Variants in CAPN1 observed in about 807,000 individuals in gnomAD.
CAPN1 encodes the protein calpain 1.
CAPN1 carries 77 observed loss-of-function variants against 105.2 expected under a neutral mutation model. The observed-to-expected ratio is 0.73, with a 90% CI of 0.61 to 0.88. The LOEUF is 0.88. Among genes scored for constraint, CAPN1 ranks in the 40% least tolerant of loss-of-function variants. CAPN1 has a pLI of 0.00. For synonymous variants in CAPN1, 355 were observed against 388.8 expected (o/e 0.91, Z 1.02); for missense variants, 833 against 976.6 (o/e 0.85, Z 1.96).
chr11:65,194,435 G>A (rs1810763495), intron 10 of CAPN1, among the ~76,000 whole-genome samples: 1 of 152,154 alleles, frequency 6.6e-6, no homozygotes, highest in African/African-American at 2.4e-5. Context: ...TCGTGAATGA[G>A]TATAATTCAC....
chr11:65,205,821 A>G, intron 12 of CAPN1, 100 bp downstream of exon 12: 1 of 1,101,800 alleles, frequency 9.1e-7, no homozygotes. Context: ...AGAGCTAAGA[A>G]GTCACCTTGT....
intron 7 of CAPN1, 191 bp from the exon 8 acceptor site, chr11:65,187,764 G>A (rs1948656763): frequency 1.9e-6 from 1 of 523,606 alleles, no homozygotes; most frequent in East Asian, 3.7e-5. Flanking sequence ...GCAGGTGCCT[G>A]TAATTCCAGC....
At position 65,203,739 on chromosome 11, in the gene CAPN1, C is replaced by G. The variant is rs1483416020; in HGVS notation, c.1166-944C>G. The G allele has an allele frequency of 3.9e-5, 6 of 152,288 alleles. No individual in the cohort carries two copies. The East Asian group carries it at 1.2e-3, about 29-fold the overall frequency. 9.4% of individuals were successfully genotyped at this position (152,288 alleles called of 1,614,324 possible). A position where few individuals can be genotyped will look rare whatever the true frequency, so the allele number is the denominator to read the frequency against. ...AGAGCTTGGAGTGGAATTTCTGGGT[C>G]ATATGAAGCTCTGTGTTTAACCTTT... On this transcript the variant is annotated intron_variant, in intron 10 of 21. Coordinates refer to ENST00000279247, the MANE Select transcript of CAPN1 (RefSeq NM_005186.4).
intron 10 of CAPN1, 87 bp from the exon 11 acceptor site, chr11:65,204,596 G>A: frequency 3.4e-6 from 4 of 1,176,098 alleles, no homozygotes; most frequent in South Asian, 1.3e-5. Context: ...GAATGAATGC[G>A]TGCACAGGGA....
In CAPN1 at chr11:65,188,072, T is replaced by G; in HGVS notation, c.929+32T>G. 7.0e-7 allele frequency: 1 copy of G among 1,422,888 alleles called. No homozygotes were observed. Among genetic ancestry groups the G allele is most frequent in the Non-Finnish European group, 9.6e-7 (1 of 1,041,060 alleles). 88.1% of individuals were successfully genotyped at this position (1,422,888 alleles called of 1,614,324 possible). A position where few individuals can be genotyped will look rare whatever the true frequency, so the allele number is the denominator to read the frequency against. ...GGCAGTGGGCACTGTCTGGAGTGCCTTGGGGAAACTGTTAGGTGCCCCGAC... is the reference window on the plus strand; with the variant it reads ...GGCAGTGGGCACTGTCTGGAGTGCCGTGGGGAAACTGTTAGGTGCCCCGAC... On this transcript the variant is annotated intron_variant, in intron 8 of 21. Coordinates refer to ENST00000279247, the MANE Select transcript of CAPN1 (RefSeq NM_005186.4). The surrounding 1 kb of genome is among the most constrained non-coding windows in gnomAD (Gnocchi z 5.5).
In CAPN1 at chr11:65,210,373, C is replaced by T; in HGVS notation, c.1980C>T (p.Ile660=). 1.9e-6 allele frequency: 3 copies of T among 1,613,346 alleles called. No individual in the cohort carries two copies. The highest frequency in any genetic ancestry group is 2.5e-6 in the Non-Finnish European group (3 of 1,179,658). Reference sequence around the variant, plus strand: ...ACAAGAAGCTGTACGAGCTCATCATCACCCGCTACTCGGAGCCCGACCTGG... The same window carrying T: ...ACAAGAAGCTGTACGAGCTCATCATTACCCGCTACTCGGAGCCCGACCTGG... ...KLNKKLYELI[I]TRYSEPDLAV... is the part of the protein sequence containing the mutation. Residue 660 remains isoleucine (I), a synonymous_variant, in exon 20 of 22, where the codon ATC becomes ATT. Coordinates refer to ENST00000279247, the MANE Select transcript of CAPN1 (RefSeq NM_005186.4). The surrounding 1 kb of genome is among the most constrained non-coding windows in gnomAD (Gnocchi z 4.3).
chr11:65,185,427 A>T (rs1948617875), intron 4 of CAPN1, among the ~76,000 whole-genome samples: 1 of 151,926 alleles, frequency 6.6e-6, no homozygotes, highest in South Asian at 2.1e-4. Context: ...TCAGACCTTT[A>T]AAGGGTGTCA....
At chr11:65,199,947 G>A (rs1222089497) in intron 10 of CAPN1, among the ~76,000 whole-genome samples, 1 of 152,166 alleles carries the variant, frequency 6.6e-6, no homozygotes, top group East Asian at 1.9e-4. Flanking sequence ...TGAGATCTCT[G>A]CCCCGTGAGA....
chr11:65,206,020 C>A, intron 12 of CAPN1: 2 of 532,700 alleles, frequency 3.8e-6, no homozygotes, highest in Non-Finnish European at 6.8e-6. Flanking sequence ...CCAACTAGGG[C>A]GGTCCAGCAA....
chr11:65,202,511 C>T (rs1434120244), intron 10 of CAPN1, among the ~76,000 whole-genome samples: 2 of 151,962 alleles, frequency 1.3e-5, no homozygotes, highest in Non-Finnish European at 2.9e-5. Context: ...GGCCAGATCT[C>T]GGCTCACTGC....
intron 4 of CAPN1, among the ~76,000 whole-genome samples, chr11:65,184,251 G>A (rs1948598193): frequency 6.6e-6 from 1 of 152,038 alleles, no homozygotes; most frequent in Non-Finnish European, 1.5e-5. Context: ...CTCTGTCCTT[G>A]CCCGCCTTGC....
Position 65,210,295 on chromosome 11 carries a change from G to T in CAPN1, c.1943-41G>T. ...ACCCCTCCCCCATCCTGTTGGGCAG[G>T]GGCTGCGCCTCACTGACCTTCACTC... On this transcript the variant is annotated intron_variant, in intron 19 of 21. Transcript: ENST00000279247. This position sits in a 1 kb window ranked among gnomAD's most constrained non-coding sequence, Gnocchi z 4.3. 6.9e-7 allele frequency: 1 copy of T among 1,442,566 alleles called. No individual in the cohort carries two copies. Among genetic ancestry groups the T allele is most frequent in the Non-Finnish European group, 9.7e-7 (1 of 1,032,818 alleles). 89.4% of individuals were successfully genotyped at this position (1,442,566 alleles called of 1,614,324 possible).
In CAPN1 at chr11:65,210,996, G is replaced by A. The variant is rs1337207356; in HGVS notation, c.2118+124G>A. On this transcript the variant is annotated intron_variant, in intron 21 of 21. Transcript: ENST00000279247. The surrounding 1 kb of genome is among the most constrained non-coding windows in gnomAD (Gnocchi z 4.3). Reference sequence around the variant, plus strand: ...GGCCTCAGAGCCAACCCTGAAGCCCGGGCCACCTGAATCCTGAAAGGCTGG... The same window carrying A: ...GGCCTCAGAGCCAACCCTGAAGCCCAGGCCACCTGAATCCTGAAAGGCTGG... 7.7e-6 allele frequency: 7 copies of A among 906,238 alleles called. No individual in the cohort carries two copies. Among genetic ancestry groups the A allele is most frequent in the African/African-American group, 3.3e-5 (2 of 60,780 alleles). The allele number at this position is 906,238 out of a possible 1,614,324, so 56.1% of individuals were successfully genotyped here. A position where few individuals can be genotyped will look rare whatever the true frequency, so the allele number is the denominator to read the frequency against.
intron 4 of CAPN1, among the ~76,000 whole-genome samples, chr11:65,184,852 C>T (rs1004697047): frequency 6.6e-6 from 1 of 152,164 alleles, no homozygotes; most frequent in African/African-American, 2.4e-5. Context: ...TTTGCCTGTG[C>T]TCTTGTTTAA....
Position 65,210,789 on chromosome 11 carries a change from G to A in CAPN1, c.2060-25G>A, listed in dbSNP as rs371976398. ...AATATCCCACTGAGTTTTCAGCCCT[G>A]TATCACCTTTTCTTGAACACACAGG... On this transcript the variant is annotated intron_variant, in intron 20 of 21. Coordinates refer to ENST00000279247, the MANE Select transcript of CAPN1 (RefSeq NM_005186.4). This position sits in a 1 kb window ranked among gnomAD's most constrained non-coding sequence, Gnocchi z 4.3. 3 of 1,605,020 alleles carry A rather than the reference G, an allele frequency of 1.9e-6. No homozygotes were observed. The highest frequency in any genetic ancestry group is 1.1e-5 in the South Asian group (1 of 90,864).
chr11:65,204,942 C>T, intron 11 of CAPN1, 84 bp downstream of exon 11: 1 of 1,072,936 alleles, frequency 9.3e-7, no homozygotes, highest in East Asian at 2.4e-5. Context: ...CGGGCTTCCA[C>T]CAGGGGGCGC....
At chr11:65,204,305 G>A (rs1948917064) in intron 10 of CAPN1, among the ~76,000 whole-genome samples, 1 of 152,150 alleles carries the variant, frequency 6.6e-6, no homozygotes, top group Non-Finnish European at 1.5e-5. Flanking sequence ...GTCCGCAGAT[G>A]CGTGGGGCCC....
chr11:65,182,735 A>G lies in CAPN1; in HGVS notation c.34A>G (p.Thr12Ala). The G allele has an allele frequency of 6.3e-7, 1 of 1,582,464 alleles. No homozygotes were observed. Among genetic ancestry groups the G allele is most frequent in the Non-Finnish European group, 8.6e-7 (1 of 1,164,720 alleles). The change falls in exon 2 of 22, where the codon ACT (threonine) becomes GCT (alanine). Residue 12 changes from threonine (T) to alanine (A), a missense_variant. Physicochemically the swap from Thr to Ala is moderately conservative, Grantham distance 58. Transcript: ENST00000279247. ...SEEIITPVYC[T>A]GVSAQVQKQR... is the part of the protein sequence containing the mutation. ...GGAGATCATCACGCCGGTGTACTGC[A>G]CTGGGGTGTCAGCCCAAGTGCAGAA...
At chr11:65,211,031 G>A (rs1590869045) in intron 21 of CAPN1, 159 bp downstream of exon 21, 2 of 775,988 alleles carry the variant, frequency 2.6e-6, no homozygotes, top group East Asian at 2.6e-5. Context: ...GGGTGGGGGT[G>A]TCTGGATTCT....
Sources: allele counts gnomAD v4.1 joint callset (sites outside exome capture counted in the v4.1 genomes callset), GRCh38; gene constraint gnomAD v4.1.1; non-coding constraint Gnocchi (gnomAD v3.1); transcripts MANE v1.5; gene names NCBI Gene and HGNC (gene_info 2026-07-23, HGNC 2026-07-21).